The following TPST2 variants were observed in gnomAD, a reference collection of about 807,000 sequenced individuals.
The protein encoded by TPST2 is tyrosylprotein sulfotransferase 2.
In TPST2, 16 loss-of-function variants were observed where a neutral mutation model predicts 27.8. The observed-to-expected ratio is 0.58, with a 90% CI of 0.39 to 0.88. The LOEUF (loss-of-function observed/expected upper bound fraction) is 0.88, where lower values mean the gene tolerates loss of function less well. Ranked by LOEUF, TPST2 falls within the 40% of genes least tolerant of loss-of-function variation. The probability of loss-of-function intolerance (pLI) is 0.00; values close to 1 mark genes in which losing one functional copy is unlikely to be tolerated. For missense variants in TPST2, 464 were observed against 543.1 expected (o/e 0.85, Z 1.45); for synonymous variants, 229 against 231.7 (o/e 0.99, Z 0.10).
chr22:26,526,803 T>C (rs76141005), intron 6 of TPST2, among the ~76,000 whole-genome samples: 17,830 of 152,158 alleles, frequency 0.12, 1,427 homozygotes, highest in South Asian at 0.31. Flanking sequence ...CTTGGGTAGG[T>C]GTGGTGGCTC....
intron 1 of TPST2, among the ~76,000 whole-genome samples, chr22:26,554,273 C>T (rs962580434): frequency 6.6e-6 from 1 of 152,148 alleles, no homozygotes; most frequent in African/African-American, 2.4e-5. Flanking sequence ...AGAGTAGTGC[C>T]CGGCTCAGAC....
At chr22:26,533,744 G>A (rs1020182679) in intron 4 of TPST2, among the ~76,000 whole-genome samples, 36 of 151,618 alleles carry the variant, frequency 2.4e-4, no homozygotes, top group African/African-American at 4.8e-4. Context: ...GTGCGATCAC[G>A]GCTCACTGCA....
At chr22:26,581,293 G>A (rs1602306488) in intron 1 of TPST2, among the ~76,000 whole-genome samples, 1 of 152,262 alleles carries the variant, frequency 6.6e-6, no homozygotes, top group African/African-American at 2.4e-5. Context: ...ATCCTGTGTG[G>A]CTTCTGGTGT....
chr22:26,546,038 C>T (rs1193395881), intron 1 of TPST2, among the ~76,000 whole-genome samples: 1 of 148,794 alleles, frequency 6.7e-6, no homozygotes, highest in East Asian at 2.0e-4. Context: ...GATTGCATCA[C>T]TGCACTACAG....
intron 5 of TPST2, among the ~76,000 whole-genome samples, chr22:26,530,452 A>G (rs2147173370): frequency 6.6e-6 from 1 of 152,166 alleles, no homozygotes; most frequent in East Asian, 1.9e-4. Flanking sequence ...CAGTATTTTA[A>G]ATGACATCAC....
intron 1 of TPST2, among the ~76,000 whole-genome samples, chr22:26,556,513 C>T (rs1332074412): frequency 6.6e-6 from 1 of 152,174 alleles, no homozygotes; most frequent in African/African-American, 2.4e-5. Context: ...GCACCCTAGC[C>T]TGGGCGACAA....
rs1308753490 is a variant in TPST2, at chr22:26,541,480, C to T, written c.151G>A (p.Glu51Lys). 1 of 1,611,478 alleles carries T rather than the reference C, an allele frequency of 6.2e-7. No homozygotes were observed. ...PRGAMRPEQE[E>K]LVMVGTNHVE... ...TGGTTGGTGCCCACCATCACCAGCT[C>T]CTCCTGCTCAGGCCGCATGGCCCCC... The change falls in exon 3 of 7, where the codon GAG becomes AAG. Residue 51 changes from glutamate (E) to lysine (K), a missense_variant. By Grantham distance (56) the Glu-to-Lys change is moderately conservative. Transcript: ENST00000338754. The surrounding 1 kb of genome is among the most constrained non-coding windows in gnomAD (Gnocchi z 5.9).
At chr22:26,549,185 T>C (rs902412909) in intron 1 of TPST2, among the ~76,000 whole-genome samples, 4 of 152,132 alleles carry the variant, frequency 2.6e-5, no homozygotes, top group Non-Finnish European at 5.9e-5. Context: ...CTGGCTCTTG[T>C]TTTCAGCAAA....
intron 1 of TPST2, among the ~76,000 whole-genome samples, chr22:26,551,398 A>G (rs1926460959): frequency 6.6e-6 from 1 of 152,126 alleles, no homozygotes; most frequent in Admixed American, 6.5e-5. Flanking sequence ...TGTCTTAACC[A>G]TTGACCCTAT....
At chr22:26,551,179 G>C (rs1926450121) in intron 1 of TPST2, among the ~76,000 whole-genome samples, 1 of 152,180 alleles carries the variant, frequency 6.6e-6, no homozygotes, top group Non-Finnish European at 1.5e-5. Flanking sequence ...CCAGCTACTT[G>C]GGAGGCTGAA....
intron 1 of TPST2, chr22:26,555,280 G>C (rs545900525): frequency 1.9e-6 from 1 of 525,846 alleles, no homozygotes; most frequent in Admixed American, 1.9e-5. Flanking sequence ...TAATACCAAA[G>C]ACCGCAATTA....
chr22:26,578,428 T>C (rs1927947151), intron 1 of TPST2, among the ~76,000 whole-genome samples: 1 of 152,104 alleles, frequency 6.6e-6, no homozygotes, highest in Admixed American at 6.6e-5. Context: ...GGAAGTGGGG[T>C]ACAGCAACCT....
chr22:26,584,699 AAAAG>A (rs1048916506), intron 1 of TPST2, among the ~76,000 whole-genome samples: 10 of 152,202 alleles, frequency 6.6e-5, no homozygotes, highest in Non-Finnish European at 1.5e-4. Context: ...AAACAAAAAA[AAAAG>A]AAAGATTCTG....
chr22:26,576,418 G>C (rs1712304659), intron 1 of TPST2, among the ~76,000 whole-genome samples: 1 of 152,142 alleles, frequency 6.6e-6, no homozygotes, highest in Non-Finnish European at 1.5e-5. Flanking sequence ...TGAAATAAGA[G>C]CTTGGTTAGG....
At chr22:26,551,186 T>G (rs1286491102) in intron 1 of TPST2, among the ~76,000 whole-genome samples, 1 of 152,104 alleles carries the variant, frequency 6.6e-6, no homozygotes, top group Non-Finnish European at 1.5e-5. Context: ...CTTGGGAGGC[T>G]GAAGTGGGAG....
intron 1 of TPST2, among the ~76,000 whole-genome samples, chr22:26,545,766 C>T (rs1369594284): frequency 6.6e-6 from 1 of 152,192 alleles, no homozygotes; most frequent in Non-Finnish European, 1.5e-5. Flanking sequence ...GGTAACAACA[C>T]TTTAAAATGT....
In TPST2 at chr22:26,524,758, G is replaced by T. The variant is rs1312305539; in HGVS notation, c.*1517C>A. The T allele has an allele frequency of 6.6e-6, 1 of 152,194 alleles. No homozygotes were observed. Among genetic ancestry groups the T allele is most frequent in the Admixed American group, 6.5e-5 (1 of 15,270 alleles). 9.4% of individuals were successfully genotyped at this position (152,194 alleles called of 1,614,324 possible). On this transcript the variant is annotated 3_prime_UTR_variant, in exon 7 of 7. Coordinates refer to ENST00000338754, the MANE Select transcript of TPST2 (RefSeq NM_003595.5). ...GGCCCAGTTGGTCCCTCAGCATTTG[G>T]GGACTGTGCTATAAGGGTTAACTCA...
Position 26,522,403 on chromosome 22 carries a change from C to T in TPST2, c.*3872G>A, listed in dbSNP as rs1924600337. Reference sequence around the variant, plus strand: ...AATGATGCATGCTGCCCAAGCTGGACAGAGGATGGGCCAGGGCACAAGTGA... The same window carrying T: ...AATGATGCATGCTGCCCAAGCTGGATAGAGGATGGGCCAGGGCACAAGTGA... On this transcript the variant is annotated 3_prime_UTR_variant, in exon 7 of 7. Coordinates refer to ENST00000338754, the MANE Select transcript of TPST2 (RefSeq NM_003595.5). 6.6e-6 allele frequency: 1 copy of T among 152,172 alleles called. No individual in the cohort carries two copies. The highest frequency in any genetic ancestry group is 1.5e-5 in the Non-Finnish European group (1 of 68,040). The allele number at this position is 152,172 out of a possible 1,614,324, so 9.4% of individuals were successfully genotyped here.
chr22:26,560,380 T>C (rs1569189915), intron 1 of TPST2: 6 of 582,358 alleles, frequency 1.0e-5, no homozygotes, highest in Admixed American at 3.1e-5. Context: ...GAGAATCATA[T>C]TGCAGCAGTG....
Sources: allele counts gnomAD v4.1 joint callset (sites outside exome capture counted in the v4.1 genomes callset), GRCh38; gene constraint gnomAD v4.1.1; non-coding constraint Gnocchi (gnomAD v3.1); transcripts MANE v1.5; gene names NCBI Gene and HGNC (gene_info 2026-07-23, HGNC 2026-07-21).